Variants in NTM observed in about 807,000 individuals in gnomAD.
NTM encodes the protein neurotrimin.
A neutral mutation model predicts 42.1 loss-of-function variants in NTM; 13 were observed. The ratio of observed to expected loss-of-function variants is 0.31; its 90% confidence interval spans 0.20 to 0.49. The LOEUF is 0.49. Among genes scored for constraint, NTM ranks in the 20% least tolerant of loss-of-function variants. The pLI is 0.99. For missense variants in NTM, 373 were observed against 452.8 expected (o/e 0.82, Z 1.60); for synonymous variants, 187 against 179.2 (o/e 1.04, Z -0.35).
chr11:132,060,642 G>C (rs997180837), intron 2 of NTM, among the ~76,000 whole-genome samples: 1 of 152,166 alleles, frequency 6.6e-6, no homozygotes, highest in African/African-American at 2.4e-5. Context: ...ATCAAACACA[G>C]ACTTTGACTT....
In NTM at chr11:132,146,501, C is replaced by T. The variant is rs749352358; in HGVS notation, c.387C>T (p.His129=). The T allele has an allele frequency of 6.2e-7, 1 of 1,614,130 alleles. No individual in the cohort carries two copies. Among genetic ancestry groups the T allele is most frequent in the Non-Finnish European group, 8.5e-7 (1 of 1,180,014 alleles). Reference sequence around the variant, plus strand: ...ACCACCCAAAGACCTCTAGGGTCCACCTCATTGTGCAAGGTAGGTGGGCGG... The same window carrying T: ...ACCACCCAAAGACCTCTAGGGTCCATCTCATTGTGCAAGGTAGGTGGGCGG... The part of the protein sequence containing the change: ...TDNHPKTSRV[H]LIVQVSPKIV... Residue 129 remains histidine, a synonymous_variant, in exon 3 of 9, where the codon CAC becomes CAT. Transcript: ENST00000683400. This position sits in a 1 kb window ranked among gnomAD's most constrained non-coding sequence, Gnocchi z 4.5.
intron 1 of NTM, among the ~76,000 whole-genome samples, chr11:131,884,049 C>T (rs570276377): frequency 2.6e-4 from 39 of 152,314 alleles, no homozygotes; most frequent in Admixed American, 1.3e-3. Flanking sequence ...CAGGGATAAA[C>T]TCATTTAATC....
At chr11:131,672,697 T>A (rs2134662559) in intron 1 of NTM, among the ~76,000 whole-genome samples, 1 of 152,298 alleles carries the variant, frequency 6.6e-6, no homozygotes, top group East Asian at 1.9e-4. Flanking sequence ...TACTTAGGTA[T>A]TTAGTACTCC....
intron 2 of NTM, among the ~76,000 whole-genome samples, chr11:132,056,770 A>G (rs1204025789): frequency 6.6e-6 from 1 of 152,176 alleles, no homozygotes; most frequent in East Asian, 1.9e-4. Flanking sequence ...ACTGTTAGCC[A>G]AATTCTTACA....
intron 1 of NTM, among the ~76,000 whole-genome samples, chr11:131,516,253 A>G (rs1041691593): frequency 1.3e-5 from 2 of 152,228 alleles, no homozygotes; most frequent in African/African-American, 4.8e-5. Flanking sequence ...TAATTCCTAT[A>G]TTCTATACAT....
rs1304961801 is a variant in NTM, at chr11:132,002,531, A to C, written c.167+90883A>C. 2.0e-5 allele frequency among the ~76,000 whole-genome samples: 3 copies of C among 152,198 alleles called. No individual in the cohort carries two copies. The highest frequency in any genetic ancestry group is 4.4e-5 in the Non-Finnish European group (3 of 68,034). On this transcript the variant is annotated intron_variant, in intron 2 of 8. Transcript: ENST00000683400. The surrounding 1 kb of genome is among the most constrained non-coding windows in gnomAD (Gnocchi z 4.5). ...CTACTCTGCAAATACTATGTAGAAG[A>C]ATGAAATGATGTGTTGGTGTCTGTC...
chr11:132,244,514 T>A (rs1284869919), intron 4 of NTM, among the ~76,000 whole-genome samples: 1 of 152,216 alleles, frequency 6.6e-6, no homozygotes, highest in Non-Finnish European at 1.5e-5. Flanking sequence ...GGGTGGTGAT[T>A]CAGTACCCCA....
chr11:132,058,991 G>C (rs767136593), intron 2 of NTM, among the ~76,000 whole-genome samples: 44 of 152,234 alleles, frequency 2.9e-4, no homozygotes, highest in African/African-American at 1.0e-3. Flanking sequence ...GGTATCAAGC[G>C]TGCAAACTCT....
At chr11:131,793,370 A>T (rs1168861684) in intron 1 of NTM, among the ~76,000 whole-genome samples, 1 of 152,220 alleles carries the variant, frequency 6.6e-6, no homozygotes, top group Non-Finnish European at 1.5e-5. Context: ...CTTAATATTT[A>T]GCACCAGCTA....
intron 2 of NTM, among the ~76,000 whole-genome samples, chr11:131,997,590 A>G (rs1183543061): frequency 6.6e-6 from 1 of 152,012 alleles, no homozygotes; most frequent in Non-Finnish European, 1.5e-5. Flanking sequence ...TCATTGACAA[A>G]TTTTCTGAAC....
intron 1 of NTM, among the ~76,000 whole-genome samples, chr11:131,511,653 C>T (rs1191630774): frequency 1.3e-5 from 2 of 152,128 alleles, no homozygotes. Flanking sequence ...TCCTCCATTC[C>T]CAGTTGCAGG....
chr11:132,116,382 T>C (rs1485747517), intron 2 of NTM, among the ~76,000 whole-genome samples: 1 of 152,130 alleles, frequency 6.6e-6, no homozygotes, highest in African/African-American at 2.4e-5. Flanking sequence ...GGTGATACTT[T>C]CTCCTACTCT....
Position 131,817,291 on chromosome 11 carries a change from C to T in NTM, c.83-94273C>T, listed in dbSNP as rs370571659. ...CATTACTACTGTACCTCGAGCAATACGACCTTAGGGCATATACCTGACATT... is the reference window on the plus strand; with the variant it reads ...CATTACTACTGTACCTCGAGCAATATGACCTTAGGGCATATACCTGACATT... On this transcript the variant is annotated intron_variant, in intron 1 of 8. Transcript: ENST00000683400. Among the ~76,000 whole-genome samples the T allele has an allele frequency of 6.8e-4, 103 of 152,284 alleles. 1 individual carries two copies. In the South Asian group the frequency reaches 0.02, roughly 29 times the overall value.
At chr11:131,939,360 T>A (rs1042897460) in intron 2 of NTM, among the ~76,000 whole-genome samples, 5 of 148,300 alleles carry the variant, frequency 3.4e-5, no homozygotes, top group Non-Finnish European at 7.6e-5. Context: ...TCCATGGGAC[T>A]GGATAAGATG....
chr11:132,043,223 C>A, intron 2 of NTM, among the ~76,000 whole-genome samples: 1 of 152,310 alleles, frequency 6.6e-6, no homozygotes, highest in Non-Finnish European at 1.5e-5. Context: ...AGTCTTTCTG[C>A]AAGCTCCTAC....
chr11:131,953,653 T>C (rs564607823), intron 2 of NTM, among the ~76,000 whole-genome samples: 2 of 152,338 alleles, frequency 1.3e-5, no homozygotes, highest in South Asian at 4.1e-4. Context: ...ACATTAAATC[T>C]GGCTGAGGCT....
chr11:131,572,156 A>G (rs137874968), intron 1 of NTM, among the ~76,000 whole-genome samples: 8 of 152,266 alleles, frequency 5.3e-5, no homozygotes, highest in African/African-American at 1.7e-4. Context: ...AGAAGGACAT[A>G]GGCACACACA....
intron 4 of NTM, among the ~76,000 whole-genome samples, chr11:132,290,633 A>C (rs1209617935): frequency 6.6e-6 from 1 of 152,222 alleles, no homozygotes; most frequent in Non-Finnish European, 1.5e-5. Flanking sequence ...GTGTATAACT[A>C]TATGCTACAG....
chr11:132,107,355 T>C lies in NTM; in HGVS notation c.168-38927T>C, dbSNP rs1009074358. ...AGATTTATCCTTTTTTTTTTTTTTTTTTTTTTTTTTTTTGAGACAGGGTTT... is the reference window on the plus strand; with the variant it reads ...AGATTTATCCTTTTTTTTTTTTTTTCTTTTTTTTTTTTTGAGACAGGGTTT... On this transcript the variant is annotated intron_variant, in intron 2 of 8. Transcript: ENST00000683400. 2.2e-5 allele frequency among the ~76,000 whole-genome samples: 3 copies of C among 139,410 alleles called. No individual in the cohort carries two copies. In the East Asian group the frequency reaches 6.1e-4, roughly 28 times the overall value. The allele number at this position is 139,410 out of a possible 152,430, so 91.5% of individuals were successfully genotyped here.
Sources: allele counts gnomAD v4.1 joint callset (sites outside exome capture counted in the v4.1 genomes callset), GRCh38; gene constraint gnomAD v4.1.1; non-coding constraint Gnocchi (gnomAD v3.1); transcripts MANE v1.5; gene names NCBI Gene and HGNC (gene_info 2026-07-23, HGNC 2026-07-21).